Variants in PTPRN2 observed in about 807,000 individuals in gnomAD.
PTPRN2 encodes the protein receptor-type tyrosine-protein phosphatase N2.
A neutral mutation model predicts 118.8 loss-of-function variants in PTPRN2; 74 were observed. That is an observed-to-expected ratio of 0.62 (90% CI 0.52 to 0.76). PTPRN2 has a LOEUF of 0.76. PTPRN2 is among the 30% of genes least tolerant of loss of function. The probability of loss-of-function intolerance (pLI) is 0.00; values close to 1 mark genes in which losing one functional copy is unlikely to be tolerated. For synonymous variants in PTPRN2, 641 were observed against 608.0 expected, an observed-to-expected ratio of 1.05 and a Z score of -0.80; for missense variants, 1,481 against 1,394.4, an observed-to-expected ratio of 1.06 and a Z score of -0.99.
chr7:158,418,327 A>G (rs1031353814), intron 2 of PTPRN2, among the ~76,000 whole-genome samples: 26 of 150,670 alleles, frequency 1.7e-4, no homozygotes, highest in African/African-American at 5.6e-4. Flanking sequence ...TACTACATCG[A>G]GATGCTCTAG....
At chr7:157,872,329 A>G (rs1475464838) in intron 12 of PTPRN2, among the ~76,000 whole-genome samples, 6 of 108,470 alleles carry the variant, frequency 5.5e-5, no homozygotes, top group African/African-American at 2.2e-4. Context: ...CCACACACCC[A>G]TACCCAGTGT....
rs569607870 is a variant in PTPRN2, at chr7:158,248,307, G to A, written c.278-43034C>T. 3.9e-5 allele frequency among the ~76,000 whole-genome samples: 6 copies of A among 152,254 alleles called. No homozygotes were observed. The South Asian group carries it at 1.2e-3, about 32-fold the overall frequency. ...AAGAAGCCGCTGAGCTGCCAGCTAT[G>A]CAGCAAGCACCTGCGTACCCCAAGA... is the stretch of plus-strand genomic sequence containing the variant. On this transcript the variant is annotated intron_variant, in intron 3 of 22. Coordinates refer to ENST00000389418, the MANE Select transcript of PTPRN2 (RefSeq NM_002847.5).
chr7:158,198,635 C>G (rs1826398678), intron 4 of PTPRN2, among the ~76,000 whole-genome samples: 2 of 152,208 alleles, frequency 1.3e-5, no homozygotes, highest in Non-Finnish European at 2.9e-5. Flanking sequence ...ATCCCTGGTT[C>G]TCTTTAGCCA....
At chr7:157,898,364 A>G (rs1352676048) in intron 12 of PTPRN2, among the ~76,000 whole-genome samples, 1 of 152,250 alleles carries the variant, frequency 6.6e-6, no homozygotes, top group African/African-American at 2.4e-5. Flanking sequence ...ACTACAAAAC[A>G]GCTGAAGAAG....
At chr7:157,872,501 CCACACACGCATATCCAGTGCCTCCG>C (rs1811169474) in intron 12 of PTPRN2, among the ~76,000 whole-genome samples, 1 of 152,106 alleles carries the variant, frequency 6.6e-6, no homozygotes, top group Non-Finnish European at 1.5e-5. Flanking sequence ...AGTGTCCTCC[CCACACACGCATATCCAGTGCCTCCG>C]CACACATGGA....
chr7:157,731,529 A>C (rs1799909983), intron 12 of PTPRN2, among the ~76,000 whole-genome samples: 1 of 148,260 alleles, frequency 6.7e-6, no homozygotes, highest in South Asian at 2.1e-4. Flanking sequence ...TTCCCGTCCC[A>C]TGCGCCCAGC....
chr7:158,470,346 G>A (rs1157413484), intron 2 of PTPRN2, among the ~76,000 whole-genome samples: 1 of 152,162 alleles, frequency 6.6e-6, no homozygotes, highest in Admixed American at 6.5e-5. Flanking sequence ...TTACATTTCT[G>A]CATCTTTCCA....
chr7:157,562,015 C>G (rs1799216841), intron 21 of PTPRN2, among the ~76,000 whole-genome samples: 1 of 152,186 alleles, frequency 6.6e-6, no homozygotes, highest in Admixed American at 6.5e-5. Flanking sequence ...CCAGAGAGGA[C>G]AGAGGGTGGG....
chr7:158,234,291 A>G (rs1193516202), intron 3 of PTPRN2, among the ~76,000 whole-genome samples: 1 of 152,030 alleles, frequency 6.6e-6, no homozygotes, highest in Admixed American at 6.6e-5. Flanking sequence ...ACAAACCTCT[A>G]ATTTAAAAAT....
chr7:158,201,645 T>G (rs1163815763), intron 4 of PTPRN2, among the ~76,000 whole-genome samples: 1 of 152,196 alleles, frequency 6.6e-6, no homozygotes, highest in African/African-American at 2.4e-5. Context: ...ACAACCTGCT[T>G]TCTCTGAAGT....
rs1055015748 is a variant in PTPRN2 at position 157,903,371 on chromosome 7, C to T, written c.1724-4634G>A. Among the ~76,000 whole-genome samples the T allele has an allele frequency of 1.3e-5, 2 of 152,152 alleles. No individual in the cohort carries two copies. The highest frequency in any genetic ancestry group is 4.8e-5 in the African/African-American group (2 of 41,430). ...GCAAGCAAGACGGTACCCCAAACCT[C>T]AGCATCACCAGTATGCCCAGGTCAC... On this transcript the variant is annotated intron_variant, in intron 11 of 22. Transcript: ENST00000389418. This position sits in a 1 kb window ranked among gnomAD's most constrained non-coding sequence, Gnocchi z 4.2.
Position 158,171,163 on chromosome 7 carries a change from CACACATATAT to C in PTPRN2, c.550-3882_550-3873del, listed in dbSNP as rs200235190. Among the ~76,000 whole-genome samples the C allele has an allele frequency of 4.7e-3, 650 of 139,450 alleles. 18 individuals carry two copies. The highest frequency in any genetic ancestry group is 0.038 in the East Asian group (172 of 4,510). 91.5% of individuals were successfully genotyped at this position (139,450 alleles called of 152,430 possible). A position where few individuals can be genotyped will look rare whatever the true frequency, so the allele number is the denominator to read the frequency against. ...ACACATATATATACACATATATATA[CACACATATAT>C]ACACATATATACACACATACATATA... On this transcript the variant is annotated intron_variant, in intron 5 of 22. Coordinates refer to ENST00000389418, the MANE Select transcript of PTPRN2 (RefSeq NM_002847.5).
At chr7:158,508,063 A>C (rs1822896794) in intron 1 of PTPRN2, among the ~76,000 whole-genome samples, 1 of 151,288 alleles carries the variant, frequency 6.6e-6, no homozygotes, top group Non-Finnish European at 1.5e-5. Context: ...TACGAAGGTC[A>C]GTGAGGAACA....
intron 5 of PTPRN2, among the ~76,000 whole-genome samples, chr7:158,171,614 G>A (rs376713772): frequency 6.6e-6 from 1 of 151,974 alleles, no homozygotes; most frequent in Non-Finnish European, 1.5e-5. Flanking sequence ...GCCTCCCAAA[G>A]TGCTGGGATT....
Position 158,138,328 on chromosome 7 carries a change from G to T in PTPRN2, c.1098C>A (p.Gly366=). The change falls in exon 7 of 23, where the codon GGC becomes GGA. Residue 366 remains glycine (G), a synonymous_variant. Transcript: ENST00000389418. ...TGTCTCCACGGAGGGTGGCCTTGGG[G>T]CCATCCGCCTGTTCTCCAGACTCTC... is the stretch of plus-strand genomic sequence containing the variant. ...ALGESGEQAD[G]PKATLRGDSF... 6.2e-7 allele frequency: 1 copy of T among 1,613,426 alleles called. No individual in the cohort carries two copies. Among genetic ancestry groups the T allele is most frequent in the Non-Finnish European group, 8.5e-7 (1 of 1,180,006 alleles).
At chr7:158,016,905 G>C (rs993889004) in intron 11 of PTPRN2, among the ~76,000 whole-genome samples, 2 of 152,112 alleles carry the variant, frequency 1.3e-5, no homozygotes, top group Non-Finnish European at 2.9e-5. Context: ...CATGATAACC[G>C]GGCTTCACCA....
intron 3 of PTPRN2, among the ~76,000 whole-genome samples, chr7:158,250,124 C>G (rs1796563103): frequency 6.6e-6 from 1 of 152,116 alleles, no homozygotes; most frequent in Non-Finnish European, 1.5e-5. Context: ...GCTCTAAATG[C>G]TTCACATATT....
At chr7:158,021,449 C>T (rs75470467) in intron 11 of PTPRN2, among the ~76,000 whole-genome samples, 1 of 152,220 alleles carries the variant, frequency 6.6e-6, no homozygotes, top group East Asian at 1.9e-4. Flanking sequence ...TAAATAGATA[C>T]ATAAATGTGT....
At chr7:158,581,448 C>A (rs771534173) in intron 1 of PTPRN2, among the ~76,000 whole-genome samples, 5 of 152,036 alleles carry the variant, frequency 3.3e-5, no homozygotes, top group Non-Finnish European at 5.9e-5. Context: ...ATGGAATGAT[C>A]CGTACACTGA....
Sources: gnomAD v4.1 joint callset for allele counts (sites outside exome capture counted in the v4.1 genomes callset) on GRCh38, gnomAD v4.1.1 for gene constraint, Gnocchi (gnomAD v3.1) non-coding constraint, MANE v1.5 for transcripts, NCBI Gene and HGNC (gene_info 2026-07-23, HGNC 2026-07-21) for gene names.